The following NELL1 variants were observed in gnomAD, a reference collection of about 807,000 sequenced individuals.
NELL1 encodes the protein protein kinase C-binding protein NELL1.
In NELL1, 76 loss-of-function variants were observed where a neutral mutation model predicts 107.4. That is an observed-to-expected ratio of 0.71 (90% CI 0.59 to 0.86). The LOEUF is 0.86. Ranked by LOEUF, NELL1 falls within the 40% of genes least tolerant of loss-of-function variation. The pLI is 0.00. For synonymous variants in NELL1, 353 were observed against 341.2 expected (o/e 1.03, Z -0.38); for missense variants, 1,024 against 1,005.5 (o/e 1.02, Z -0.25).
intron 14 of NELL1, among the ~76,000 whole-genome samples, chr11:21,323,413 A>G (rs965153619): frequency 2.0e-5 from 3 of 152,190 alleles, no homozygotes; most frequent in Non-Finnish European, 4.4e-5. Context: ...CCAAATCTAC[A>G]TGAATACTTA....
intron 12 of NELL1, among the ~76,000 whole-genome samples, chr11:21,107,295 A>G (rs1170305416): frequency 1.3e-5 from 2 of 151,998 alleles, no homozygotes; most frequent in African/African-American, 4.8e-5. Context: ...CTGGATTTTT[A>G]TAAGTTCAAA....
chr11:21,396,460 G>C (rs946755771), intron 15 of NELL1, among the ~76,000 whole-genome samples: 18 of 151,598 alleles, frequency 1.2e-4, no homozygotes, highest in Non-Finnish European at 2.7e-4. Flanking sequence ...ATTGATAAAG[G>C]AAGGACTAAG....
chr11:21,251,436 T>C (rs373064042), intron 14 of NELL1, among the ~76,000 whole-genome samples: 7 of 152,050 alleles, frequency 4.6e-5, no homozygotes, highest in African/African-American at 1.7e-4. Flanking sequence ...AAATCCATAA[T>C]CTTATACATT....
intron 15 of NELL1, among the ~76,000 whole-genome samples, chr11:21,447,219 C>T (rs947875740): frequency 6.6e-6 from 1 of 152,102 alleles, no homozygotes; most frequent in East Asian, 1.9e-4. Context: ...CATCCCAGAG[C>T]CAAGGACTGG....
chr11:21,342,280 G>A (rs1274510131), intron 14 of NELL1, among the ~76,000 whole-genome samples: 1 of 152,074 alleles, frequency 6.6e-6, no homozygotes, highest in Non-Finnish European at 1.5e-5. Context: ...ATAATCTCAA[G>A]GGATATCCCT....
chr11:20,698,842 C>A (rs941678872), intron 2 of NELL1, among the ~76,000 whole-genome samples: 7 of 152,172 alleles, frequency 4.6e-5, no homozygotes, highest in African/African-American at 1.7e-4. Context: ...TTATTCTTTT[C>A]CTTTGCATTC....
At chr11:20,781,812 T>C (rs980001351) in intron 2 of NELL1, among the ~76,000 whole-genome samples, 1 of 142,806 alleles carries the variant, frequency 7.0e-6, no homozygotes, top group Non-Finnish European at 1.5e-5. Flanking sequence ...GTGGATCCCC[T>C]GAGCTCAGGA....
At chr11:21,205,218 C>T (rs1478174858) in intron 13 of NELL1, among the ~76,000 whole-genome samples, 1 of 152,168 alleles carries the variant, frequency 6.6e-6, no homozygotes, top group East Asian at 1.9e-4. Context: ...CCACAGCCAC[C>T]CCTTCTCCCA....
chr11:20,948,787 A>C (rs1391126709), intron 11 of NELL1, among the ~76,000 whole-genome samples: 4 of 144,878 alleles, frequency 2.8e-5, no homozygotes, highest in African/African-American at 5.1e-5. Context: ...AAAAAAAAAA[A>C]CAGTTAAACT....
intron 5 of NELL1, among the ~76,000 whole-genome samples, chr11:20,894,991 G>GTGTATATGTACCCTTTAA (rs1849694880): frequency 1.4e-5 from 2 of 144,168 alleles, no homozygotes; most frequent in African/African-American, 2.9e-5. Context: ...ATTCCCTCTG[G>GTGTATATGTACCCTTTAA]CCGGGCGCGG....
At chr11:20,898,525 C>G (rs1372604716) in intron 5 of NELL1, among the ~76,000 whole-genome samples, 1 of 151,036 alleles carries the variant, frequency 6.6e-6, no homozygotes, top group African/African-American at 2.4e-5. Flanking sequence ...ATATATGTAA[C>G]AAACCTGCAC....
intron 12 of NELL1, among the ~76,000 whole-genome samples, chr11:21,057,577 T>C (rs1853642290): frequency 6.6e-6 from 1 of 151,910 alleles, no homozygotes; most frequent in East Asian, 1.9e-4. Flanking sequence ...TCAAATGTAT[T>C]AGTCTATATC....
intron 12 of NELL1, among the ~76,000 whole-genome samples, chr11:21,048,681 A>G (rs1051553780): frequency 9.2e-5 from 14 of 152,164 alleles, no homozygotes; most frequent in African/African-American, 3.4e-4. Context: ...AGCCATAAGC[A>G]TGCTTAGCAC....
Position 21,179,534 on chromosome 11 carries a change from A to C in NELL1, c.1427-49798A>C, listed in dbSNP as rs559982194. On this transcript the variant is annotated intron_variant, in intron 13 of 19. Transcript: ENST00000357134. ...AGGCATGTTTTTAGTATGGCAAAGG[A>C]AAGTGCAAGACAAGCGCCAAAATAT... is the stretch of plus-strand genomic sequence containing the variant. 3.3e-5 allele frequency among the ~76,000 whole-genome samples: 5 copies of C among 152,008 alleles called. No individual in the cohort carries two copies. The East Asian group carries it at 9.7e-4, about 29-fold the overall frequency.
intron 15 of NELL1, among the ~76,000 whole-genome samples, chr11:21,458,174 AC>A (rs1420764635): frequency 6.6e-6 from 1 of 152,298 alleles, no homozygotes; most frequent in Admixed American, 6.5e-5. Context: ...CCTTGTAAGA[AC>A]CAGTAGAGAG....
chr11:21,420,406 TGAAAA>T (rs1852636705), intron 15 of NELL1, among the ~76,000 whole-genome samples: 2 of 151,828 alleles, frequency 1.3e-5, no homozygotes, highest in Non-Finnish European at 2.9e-5. Flanking sequence ...TGTACAAATA[TGAAAA>T]GAAGAGGAAA....
chr11:20,748,442 T>A (rs533332573), intron 2 of NELL1, among the ~76,000 whole-genome samples: 1 of 152,160 alleles, frequency 6.6e-6, no homozygotes, highest in Non-Finnish European at 1.5e-5. Context: ...TACAAAGTAG[T>A]TTTTGGTTAC....
At position 21,498,333 on chromosome 11, in the gene NELL1, T is replaced by TTATATATA. The variant is rs34418018; in HGVS notation, c.1646-36034_1646-36027dup. 7.6e-4 allele frequency among the ~76,000 whole-genome samples: 86 copies of TTATATATA among 113,734 alleles called. 3 individuals carry two copies. The East Asian group carries it at 8.7e-3, about 12-fold the overall frequency. The allele number at this position is 113,734 out of a possible 152,430, so 74.6% of individuals were successfully genotyped here. ...ATTTTGCTACACATCCATAAACATA[T>TTATATATA]TATATATATATATACATATATATAT... On this transcript the variant is annotated intron_variant, in intron 15 of 19. Transcript: ENST00000357134.
chr11:21,056,782 T>C (rs951660446), intron 12 of NELL1, among the ~76,000 whole-genome samples: 3 of 152,134 alleles, frequency 2.0e-5, no homozygotes, highest in African/African-American at 7.2e-5. Context: ...ATAGAAGTAC[T>C]GAATTTTAGA....
Sources: allele counts gnomAD v4.1 joint callset (sites outside exome capture counted in the v4.1 genomes callset), GRCh38; gene constraint gnomAD v4.1.1; transcripts MANE v1.5; gene names NCBI Gene and HGNC (gene_info 2026-07-23, HGNC 2026-07-21).